The following LRBA variants were observed in gnomAD, a reference collection of about 807,000 sequenced individuals.
LRBA encodes the protein LPS responsive beige-like anchor protein.
In LRBA, 176 loss-of-function variants were observed where a neutral mutation model predicts 330.0. That is an observed-to-expected ratio of 0.53 (90% CI 0.47 to 0.60). The LOEUF (loss-of-function observed/expected upper bound fraction) is 0.60, where lower values mean the gene tolerates loss of function less well. LRBA is among the 20% of genes least tolerant of loss of function. LRBA has a pLI of 0.00. For synonymous variants in LRBA, 1,230 were observed against 1,193.0 expected, an observed-to-expected ratio of 1.03 and a Z score of -0.64; for missense variants, 3,259 against 3,444.8, an observed-to-expected ratio of 0.95 and a Z score of 1.35.
intron 11 of LRBA, 133 bp downstream of exon 11, chr4:150,908,201 T>G (rs540804520): frequency 6.2e-6 from 5 of 801,616 alleles, no homozygotes; most frequent in Admixed American, 5.7e-5. Flanking sequence ...AATATGGACT[T>G]GTAATACAGT....
At chr4:150,968,878 G>C (rs1384803373) in intron 2 of LRBA, among the ~76,000 whole-genome samples, 5 of 152,184 alleles carry the variant, frequency 3.3e-5, no homozygotes, top group Admixed American at 3.3e-4. Flanking sequence ...TCTACTGTTA[G>C]GGGCTAATGC....
At chr4:150,923,811 A>T (rs553972507) in intron 4 of LRBA, among the ~76,000 whole-genome samples, 135 of 152,324 alleles carry the variant, frequency 8.9e-4, no homozygotes, top group Non-Finnish European at 1.2e-3. Context: ...ACTACAAATG[A>T]AATCATTGGT....
chr4:150,426,826 T>A (rs192756324), intron 46 of LRBA, among the ~76,000 whole-genome samples: 2 of 151,980 alleles, frequency 1.3e-5, no homozygotes, highest in East Asian at 3.9e-4. Context: ...TTATTTTTTT[T>A]ATTAGCAATG....
intron 29 of LRBA, among the ~76,000 whole-genome samples, 198 bp from the exon 30 acceptor site, chr4:150,828,819 A>C (rs759641608): frequency 3.3e-5 from 5 of 152,196 alleles, no homozygotes; most frequent in Non-Finnish European, 7.3e-5. Flanking sequence ...TGGTATAATA[A>C]AATAAATAAT....
intron 2 of LRBA, among the ~76,000 whole-genome samples, chr4:150,934,071 A>C (rs1734804082): frequency 6.6e-6 from 1 of 152,144 alleles, no homozygotes; most frequent in African/African-American, 2.4e-5. Context: ...TGAACTGTAG[A>C]GCTTATGAAA....
intron 36 of LRBA, among the ~76,000 whole-genome samples, chr4:150,714,298 C>T (rs188629113): frequency 6.6e-5 from 10 of 152,106 alleles, no homozygotes; most frequent in African/African-American, 2.4e-4. Context: ...AACATTTTTA[C>T]AATTATTTTA....
intron 35 of LRBA, among the ~76,000 whole-genome samples, chr4:150,737,822 T>C (rs1731408898): frequency 6.6e-6 from 1 of 152,056 alleles, no homozygotes; most frequent in South Asian, 2.1e-4. Context: ...GATACAAAAC[T>C]ATAATATCAC....
At chr4:150,653,044 T>G (rs1779846398) in intron 37 of LRBA, among the ~76,000 whole-genome samples, 1 of 152,154 alleles carries the variant, frequency 6.6e-6, no homozygotes, top group Non-Finnish European at 1.5e-5. Flanking sequence ...GCTGCAATTC[T>G]TCAATTAAAA....
chr4:150,781,087 G>T (rs1346452108), intron 34 of LRBA, among the ~76,000 whole-genome samples: 1 of 151,990 alleles, frequency 6.6e-6, no homozygotes, highest in Non-Finnish European at 1.5e-5. Context: ...CGCCATGTTA[G>T]CCAGGATGGT....
chr4:150,660,484 G>C (rs1328826941), intron 37 of LRBA, among the ~76,000 whole-genome samples: 2 of 151,792 alleles, frequency 1.3e-5, no homozygotes, highest in South Asian at 2.1e-4. Flanking sequence ...GAGGTGGGGG[G>C]GGTCAGCCCC....
chr4:150,502,907 C>A (rs1289231348), intron 40 of LRBA, among the ~76,000 whole-genome samples: 1 of 152,246 alleles, frequency 6.6e-6, no homozygotes, highest in Admixed American at 6.5e-5. Context: ...GAGATTATAT[C>A]CCGCACCTGA....
At chr4:150,720,452 A>T (rs1180833173) in intron 36 of LRBA, among the ~76,000 whole-genome samples, 1 of 152,128 alleles carries the variant, frequency 6.6e-6, no homozygotes, top group African/African-American at 2.4e-5. Context: ...AAAATTAGGA[A>T]CAAAACATAA....
At chr4:150,559,269 G>A (rs551155911) in intron 40 of LRBA, among the ~76,000 whole-genome samples, 1 of 151,974 alleles carries the variant, frequency 6.6e-6, no homozygotes, top group South Asian at 2.1e-4. Context: ...TCTACTAGAA[G>A]TTAAAAATAT....
intron 44 of LRBA, among the ~76,000 whole-genome samples, chr4:150,454,238 C>T (rs190299808): frequency 4.6e-5 from 7 of 152,110 alleles, no homozygotes; most frequent in South Asian, 2.1e-4. Flanking sequence ...GGATTACAGG[C>T]GTGAGCCACC....
chr4:151,007,789 G>A (rs1016184239), intron 2 of LRBA, among the ~76,000 whole-genome samples: 3 of 150,500 alleles, frequency 2.0e-5, no homozygotes, highest in Admixed American at 6.6e-5. Flanking sequence ...CCAAAGAGGC[G>A]GAGCTTGCAG....
At chr4:150,559,927 A>AAT (rs1306315263) in intron 40 of LRBA, among the ~76,000 whole-genome samples, 50 of 95,202 alleles carry the variant, frequency 5.3e-4, no homozygotes, top group South Asian at 2.1e-3. Flanking sequence ...TATAAATATA[A>AAT]ATATATATAT....
intron 38 of LRBA, among the ~76,000 whole-genome samples, chr4:150,592,144 G>GTTTTTTTTTTTTTTTTTTTTTTTTTT (rs10685627): frequency 6.1e-5 from 4 of 65,190 alleles, no homozygotes; most frequent in East Asian, 6.4e-4. Flanking sequence ...GATGGCTAGG[G>GTTTTTTTTTTTTTTTTTTTTTTTTTT]TTTTTTTTTT....
intron 2 of LRBA, among the ~76,000 whole-genome samples, chr4:150,957,842 C>T (rs1408675933): frequency 6.7e-6 from 1 of 149,216 alleles, no homozygotes; most frequent in East Asian, 1.9e-4. Flanking sequence ...AATCTTAAAG[C>T]TCCAAAATGA....
intron 34 of LRBA, among the ~76,000 whole-genome samples, chr4:150,770,050 A>G (rs1398801053): frequency 2.0e-5 from 3 of 152,194 alleles, no homozygotes; most frequent in East Asian, 3.8e-4. Context: ...AAGAAGATCT[A>G]CCTTCACCGG....
Sources: gnomAD v4.1 joint callset for allele counts (sites outside exome capture counted in the v4.1 genomes callset) on GRCh38, gnomAD v4.1.1 for gene constraint, MANE v1.5 for transcripts, NCBI Gene and HGNC (gene_info 2026-07-23, HGNC 2026-07-21) for gene names.